Variants in KIAA1217 observed in about 807,000 individuals in gnomAD.
The protein encoded by KIAA1217 is sickle tail protein homolog.
In KIAA1217, 88 loss-of-function variants were observed where a neutral mutation model predicts 163.9. The observed-to-expected ratio is 0.54, with a 90% CI of 0.45 to 0.64. KIAA1217 has a LOEUF of 0.64. KIAA1217 is among the 30% of genes least tolerant of loss of function. The pLI, the probability that KIAA1217 is intolerant of heterozygous loss-of-function variation, is 0.00. For synonymous variants in KIAA1217, 903 were observed against 923.1 expected, an observed-to-expected ratio of 0.98 and a Z score of 0.39; for missense variants, 2,372 against 2,475.0, an observed-to-expected ratio of 0.96 and a Z score of 0.88.
intron 2 of KIAA1217, among the ~76,000 whole-genome samples, chr10:24,028,724 C>T (rs537248288): frequency 6.6e-6 from 1 of 152,232 alleles, no homozygotes; most frequent in Non-Finnish European, 1.5e-5. Context: ...CATTTTAGCA[C>T]ATATCCTCTT....
In KIAA1217 at chr10:23,751,338, A is replaced by G. The variant is rs528644643; in HGVS notation, c.-321+56104A>G. On this transcript the variant is annotated intron_variant, in intron 1 of 18. Coordinates refer to the KIAA1217 transcript ENST00000376462. ...CCACCGTGCCTGGCGAGAATTTTCT[A>G]CAATACCATGTGAGGTGTCCCATGC... is the stretch of plus-strand genomic sequence containing the variant. Among the ~76,000 whole-genome samples, 4 of 152,278 alleles carry G rather than the reference A, an allele frequency of 2.6e-5. No individual in the cohort carries two copies. The East Asian group carries it at 7.7e-4, about 29-fold the overall frequency.
At chr10:23,745,664 G>T (rs1039479182) in intron 1 of KIAA1217, among the ~76,000 whole-genome samples, 3 of 152,166 alleles carry the variant, frequency 2.0e-5, no homozygotes, top group African/African-American at 7.2e-5. Flanking sequence ...CAAAGCTTGT[G>T]AAGGCTATTT....
At chr10:23,862,438 CA>C (rs1399040683) in intron 1 of KIAA1217, among the ~76,000 whole-genome samples, 1 of 152,102 alleles carries the variant, frequency 6.6e-6, no homozygotes, top group Non-Finnish European at 1.5e-5. Flanking sequence ...AGATGATTCA[CA>C]AATATCCATA....
chr10:24,063,516 A>C (rs929830358), intron 2 of KIAA1217, among the ~76,000 whole-genome samples: 5 of 152,206 alleles, frequency 3.3e-5, no homozygotes, highest in African/African-American at 1.2e-4. Context: ...TTTTGGTACC[A>C]GTACCATGCT....
At position 24,475,343 on chromosome 10, in the gene KIAA1217, A is replaced by G. The variant is rs146650605; in HGVS notation, c.1679+1283A>G. On this transcript the variant is annotated intron_variant, in intron 6 of 20. Coordinates refer to ENST00000376454, the MANE Select transcript of KIAA1217 (RefSeq NM_019590.5). The stretch of plus-strand genomic sequence containing the variant: ...TATATACCATGTAAAAAGAAGGCCA[A>G]AATTGTGAATGGAATGTGACCTGTC... Among the ~76,000 whole-genome samples the G allele has an allele frequency of 2.4e-3, 364 of 152,342 alleles. 1 individual carries two copies. Among genetic ancestry groups the G allele is most frequent in the African/African-American group, 8.4e-3 (350 of 41,578 alleles).
At chr10:23,998,291 GA>G (rs1846589796) in intron 1 of KIAA1217, among the ~76,000 whole-genome samples, 1 of 152,182 alleles carries the variant, frequency 6.6e-6, no homozygotes, top group Admixed American at 6.5e-5. Flanking sequence ...TTATTGTTAA[GA>G]TTTTAACTCA....
intron 2 of KIAA1217, among the ~76,000 whole-genome samples, chr10:24,347,874 A>C (rs2047985279): frequency 6.6e-6 from 1 of 152,204 alleles, no homozygotes; most frequent in South Asian, 2.1e-4. Context: ...AATGGTTACC[A>C]CAATCAAATT....
chr10:23,932,241 C>T (rs1047586431), intron 1 of KIAA1217, among the ~76,000 whole-genome samples: 1 of 152,172 alleles, frequency 6.6e-6, no homozygotes, highest in Non-Finnish European at 1.5e-5. Flanking sequence ...TGATATTCAT[C>T]ACAGCTTGTG....
intron 5 of KIAA1217, among the ~76,000 whole-genome samples, chr10:24,467,333 C>T (rs990542234): frequency 3.0e-4 from 45 of 152,136 alleles, no homozygotes; most frequent in African/African-American, 1.1e-3. Flanking sequence ...GAAGAAACTA[C>T]CCTCTTTCTA....
intron 1 of KIAA1217, among the ~76,000 whole-genome samples, chr10:23,855,056 T>G (rs2131111328): frequency 6.6e-6 from 1 of 152,290 alleles, no homozygotes; most frequent in African/African-American, 2.4e-5. Flanking sequence ...ATCCTGTCAT[T>G]ATGATGTTAG....
Position 24,544,993 on chromosome 10 carries a change from G to T in KIAA1217, c.5224G>T (p.Ala1742Ser). ...GTCCTTCCCACAGGGCTCCAGCGGG[G>T]CCCCACAGACGAGCAGGATGCCTGT... ...PSASRKGSSG[A>S]PQTSRMPVPM... is the part of the protein sequence containing the mutation. Residue 1742 changes from alanine to serine, a missense_variant, in exon 20 of 21, where the codon GCC (alanine) becomes TCC (serine). Around this residue, in one of 3 missense-constraint regions of KIAA1217, gnomAD observed 690 missense variants for 677.5 expected, o/e 1.02. Coordinates refer to ENST00000376454, the MANE Select transcript of KIAA1217 (RefSeq NM_019590.5). The T allele has an allele frequency of 6.2e-7, 1 of 1,613,978 alleles. No homozygotes were observed. Among genetic ancestry groups the T allele is most frequent in the Non-Finnish European group, 8.5e-7 (1 of 1,179,966 alleles).
At chr10:23,916,968 CAAAAAAAAAA>C (rs72049753) in intron 1 of KIAA1217, among the ~76,000 whole-genome samples, 1 of 80,078 alleles carries the variant, frequency 1.2e-5, no homozygotes, top group Middle Eastern at 6.7e-3. Flanking sequence ...GAGATTCTCT[CAAAAAAAAAA>C]AAAAAAAAAA....
chr10:23,919,498 C>T (rs970341459), intron 1 of KIAA1217, among the ~76,000 whole-genome samples: 11 of 149,932 alleles, frequency 7.3e-5, no homozygotes, highest in Admixed American at 2.0e-4. Flanking sequence ...CCCAGCTACT[C>T]GGGAGGCTGC....
chr10:24,546,904 A>G lies in KIAA1217; in HGVS notation c.*580A>G, dbSNP rs1306625130. 1 of 152,664 alleles carries G rather than the reference A, an allele frequency of 6.6e-6. No homozygotes were observed. The highest frequency in any genetic ancestry group is 2.4e-5 in the African/African-American group (1 of 41,442). The allele number at this position is 152,664 out of a possible 1,614,324, so 9.5% of individuals were successfully genotyped here. ...TGAAAGTAGTGTTCTAGACTATAAAACCAATGAACTTCTACATGAGCCCTA... is the reference window on the plus strand; with the variant it reads ...TGAAAGTAGTGTTCTAGACTATAAAGCCAATGAACTTCTACATGAGCCCTA... On this transcript the variant is annotated 3_prime_UTR_variant, in exon 21 of 21. Transcript: ENST00000376454.
chr10:24,269,814 T>A (rs1564377397), intron 2 of KIAA1217, among the ~76,000 whole-genome samples: 1 of 152,102 alleles, frequency 6.6e-6, no homozygotes, highest in Non-Finnish European at 1.5e-5. Context: ...TTTTTAGGAG[T>A]AGCAGAGTGT....
At position 24,373,263 on chromosome 10, in the gene KIAA1217, AC is replaced by A. The variant is rs538168643; in HGVS notation, c.355-7604del. Among the ~76,000 whole-genome samples, 359 of 152,292 alleles carry A rather than the reference AC, an allele frequency of 2.4e-3. 1 individual carries two copies. Among genetic ancestry groups the A allele is most frequent in the African/African-American group, 8.4e-3 (349 of 41,554 alleles). ...TACAGGTCTTCCCAATTTGAAGAGCACCATCGCCACCACTGACACCAAAACT... is the reference window on the plus strand; with the variant it reads ...TACAGGTCTTCCCAATTTGAAGAGCACATCGCCACCACTGACACCAAAACT... On this transcript the variant is annotated intron_variant, in intron 2 of 20. Transcript: ENST00000376454.
At chr10:24,200,622 G>A (rs1040178103) in intron 2 of KIAA1217, among the ~76,000 whole-genome samples, 1 of 152,186 alleles carries the variant, frequency 6.6e-6, no homozygotes, top group African/African-American at 2.4e-5. Context: ...GGTGAACTGG[G>A]ATGTTTGGTG....
At position 23,857,235 on chromosome 10, in the gene KIAA1217, A is replaced by G. The variant is rs537808082; in HGVS notation, c.-320-149990A>G. Among the ~76,000 whole-genome samples the G allele has an allele frequency of 3.3e-5, 5 of 152,288 alleles. No individual in the cohort carries two copies. In the East Asian group the frequency reaches 9.6e-4, roughly 29 times the overall value. On this transcript the variant is annotated intron_variant, in intron 1 of 18. Transcript: ENST00000376462. ...CCATATCACTCCCCATACGATACTGACTTGAGATAGACTTCAGGGGTCAGA... is the reference window on the plus strand; with the variant it reads ...CCATATCACTCCCCATACGATACTGGCTTGAGATAGACTTCAGGGGTCAGA...
At chr10:23,725,175 T>G (rs1838069105) in intron 1 of KIAA1217, among the ~76,000 whole-genome samples, 1 of 152,260 alleles carries the variant, frequency 6.6e-6, no homozygotes, top group Non-Finnish European at 1.5e-5. Context: ...CTTGTCATCC[T>G]GCCTTCAGCA....
Sources: gnomAD v4.1 joint callset for allele counts (sites outside exome capture counted in the v4.1 genomes callset) on GRCh38, gnomAD v4.1.1 for gene constraint, gnomAD v4.1.1 regional missense constraint, MANE v1.5 for transcripts, NCBI Gene and HGNC (gene_info 2026-07-23, HGNC 2026-07-21) for gene names.